The following SPIRE1 variants were observed in gnomAD, a reference collection of about 807,000 sequenced individuals.
The protein encoded by SPIRE1 is protein spire homolog 1.
A neutral mutation model predicts 94.1 loss-of-function variants in SPIRE1; 40 were observed. That is an observed-to-expected ratio of 0.43 (90% CI 0.33 to 0.55). The LOEUF (loss-of-function observed/expected upper bound fraction) is 0.55, where lower values mean the gene tolerates loss of function less well. SPIRE1 is among the 20% of genes least tolerant of loss of function. The probability of loss-of-function intolerance (pLI) is 0.06; values close to 1 mark genes in which losing one functional copy is unlikely to be tolerated. For synonymous variants in SPIRE1, 376 were observed against 371.7 expected, an observed-to-expected ratio of 1.01 and a Z score of -0.13; for missense variants, 838 against 975.2, an observed-to-expected ratio of 0.86 and a Z score of 1.87.
At chr18:12,591,968 C>CAAAAAAAAAAAAAAAAA (rs35668057) in intron 2 of SPIRE1, among the ~76,000 whole-genome samples, 3 of 67,440 alleles carry the variant, frequency 4.4e-5, no homozygotes, top group African/African-American at 1.7e-4. Context: ...GACTCCATCT[C>CAAAAAAAAAAAAAAAAA]AAAAAAAAAA....
intron 2 of SPIRE1, among the ~76,000 whole-genome samples, chr18:12,576,259 T>C (rs958537202): frequency 6.6e-6 from 1 of 151,588 alleles, no homozygotes; most frequent in Non-Finnish European, 1.5e-5. Flanking sequence ...CAGAACAATT[T>C]TGGAAAGGAA....
chr18:12,506,506 A>G lies in SPIRE1; in HGVS notation c.943T>C (p.Cys315Arg). The G allele has an allele frequency of 6.2e-7, 1 of 1,614,034 alleles. No homozygotes were observed. The highest frequency in any genetic ancestry group is 8.5e-7 in the Non-Finnish European group (1 of 1,179,990). The stretch of plus-strand genomic sequence containing the variant: ...ACTTTTCGCAAGGTGTATCTTTTGC[A>G]GCGAATGTCATCCATTAACATCTCA... ...PYEMLMDDIR[C>R]KRYTLRKVMV... The change falls in exon 6 of 17, where the codon TGC becomes CGC. Residue 315 changes from cysteine (C) to arginine (R), a missense_variant. This residue lies in a region of SPIRE1 where 645 missense variants were observed against 804.7 expected (regional missense o/e 0.80). Coordinates refer to ENST00000409402, the MANE Select transcript of SPIRE1 (RefSeq NM_001128626.2).
intron 7 of SPIRE1, among the ~76,000 whole-genome samples, chr18:12,494,869 AC>A (rs1275789522): frequency 8.9e-5 from 13 of 145,586 alleles, no homozygotes; most frequent in Admixed American, 6.9e-4. Flanking sequence ...ACAAAAAAAA[AC>A]AAACCCATCT....
At chr18:12,540,665 T>C (rs1412632889) in intron 3 of SPIRE1, among the ~76,000 whole-genome samples, 4 of 152,162 alleles carry the variant, frequency 2.6e-5, no homozygotes, top group Non-Finnish European at 5.9e-5. Context: ...CGTGAGCCAC[T>C]GCACCTGGCC....
intron 3 of SPIRE1, among the ~76,000 whole-genome samples, chr18:12,540,114 G>C (rs2034971939): frequency 6.6e-6 from 1 of 151,646 alleles, no homozygotes; most frequent in Non-Finnish European, 1.5e-5. Context: ...CCAGGCATGG[G>C]AGGGCCAGTG....
chr18:12,658,315 G>A (rs1392343697), upstream of SPIRE1: 1 of 438,980 alleles, frequency 2.3e-6, no homozygotes, highest in South Asian at 1.6e-5. Context: ...GGGCCCGGTC[G>A]CAAGGGACAC....
chr18:12,518,517 G>GA (rs1454457182), intron 4 of SPIRE1, among the ~76,000 whole-genome samples: 1 of 149,320 alleles, frequency 6.7e-6, no homozygotes, highest in Non-Finnish European at 1.5e-5. Context: ...AAAAAGAAAA[G>GA]AAAAAAGCAA....
intron 1 of SPIRE1, among the ~76,000 whole-genome samples, chr18:12,657,056 G>A (rs1392955002): frequency 6.6e-6 from 1 of 152,266 alleles, no homozygotes; most frequent in Non-Finnish European, 1.5e-5. Context: ...CGTGAGGAGT[G>A]CGGTGTTTCC....
At chr18:12,534,162 C>A (rs558185271) in intron 4 of SPIRE1, among the ~76,000 whole-genome samples, 1 of 152,292 alleles carries the variant, frequency 6.6e-6, no homozygotes, top group African/African-American at 2.4e-5. Context: ...CATATATACA[C>A]AATGGATCTA....
chr18:12,547,322 A>G (rs1233315854), intron 2 of SPIRE1, among the ~76,000 whole-genome samples: 1 of 152,208 alleles, frequency 6.6e-6, no homozygotes, highest in Non-Finnish European at 1.5e-5. Flanking sequence ...CTCTAGTTCC[A>G]TTCAATCACT....
upstream of SPIRE1, chr18:12,658,702 C>A (rs914052101): frequency 1.2e-5 from 5 of 431,832 alleles, no homozygotes; most frequent in African/African-American, 1.0e-4. Flanking sequence ...TTTCCCGTGA[C>A]CCCGCGGCCG....
chr18:12,549,696 G>A (rs1028575371), intron 2 of SPIRE1, among the ~76,000 whole-genome samples: 9 of 151,780 alleles, frequency 5.9e-5, no homozygotes, highest in African/African-American at 2.2e-4. Context: ...TGATCCGCCT[G>A]CCTTGGCCTC....
At chr18:12,651,969 T>C (rs1459959100) in intron 1 of SPIRE1, among the ~76,000 whole-genome samples, 2 of 152,170 alleles carry the variant, frequency 1.3e-5, no homozygotes, top group Admixed American at 1.3e-4. Flanking sequence ...TAAATCAACA[T>C]ATGGCCATAA....
intron 1 of SPIRE1, chr18:12,653,546 A>T (rs2038438818): frequency 6.6e-6 from 1 of 152,232 alleles, no homozygotes; most frequent in African/African-American, 2.4e-5. Context: ...CACAAAACAA[A>T]TTCAAACCAA....
At chr18:12,599,064 T>G (rs2036759323) in intron 2 of SPIRE1, among the ~76,000 whole-genome samples, 1 of 152,146 alleles carries the variant, frequency 6.6e-6, no homozygotes, top group African/African-American at 2.4e-5. Flanking sequence ...AGTCACAAAC[T>G]TTATGCCCAT....
intron 1 of SPIRE1, among the ~76,000 whole-genome samples, chr18:12,646,729 A>G (rs1484007882): frequency 6.6e-6 from 1 of 152,180 alleles, no homozygotes; most frequent in African/African-American, 2.4e-5. Flanking sequence ...TATGACAGAA[A>G]AAGACCACAG....
Position 12,503,826 on chromosome 18 carries a change from T to C in SPIRE1, c.972+2651A>G, listed in dbSNP as rs1415572666. 1.4e-5 allele frequency among the ~76,000 whole-genome samples: 2 copies of C among 147,586 alleles called. 1 individual carries two copies. On this transcript the variant is annotated intron_variant, in intron 6 of 16. Coordinates refer to ENST00000409402, the MANE Select transcript of SPIRE1 (RefSeq NM_001128626.2). The stretch of plus-strand genomic sequence containing the variant: ...AATGTTTAAAAGCATGAAATAAATG[T>C]AGATGTTAAAAATGAAAGAATATTT...
At chr18:12,564,629 G>A (rs1305395911) in intron 2 of SPIRE1, among the ~76,000 whole-genome samples, 1 of 152,200 alleles carries the variant, frequency 6.6e-6, no homozygotes, top group South Asian at 2.1e-4. Context: ...TGGAGAGGCA[G>A]AGAGGTGAAT....
chr18:12,476,063 C>T (rs931981589), intron 10 of SPIRE1, among the ~76,000 whole-genome samples: 5 of 152,140 alleles, frequency 3.3e-5, no homozygotes, highest in Admixed American at 3.3e-4. Flanking sequence ...CTGAAATTAG[C>T]TAATGTTAAT....
Sources: gnomAD v4.1 joint callset for allele counts (sites outside exome capture counted in the v4.1 genomes callset) on GRCh38, gnomAD v4.1.1 for gene constraint, gnomAD v4.1.1 regional missense constraint, MANE v1.5 for transcripts, NCBI Gene and HGNC (gene_info 2026-07-23, HGNC 2026-07-21) for gene names.